Variants in NT5DC1 observed in about 807,000 individuals in gnomAD.
NT5DC1 encodes the protein 5'-nucleotidase domain containing 1, also known as 5'-nucleotidase domain-containing protein 1.
Under a neutral mutation model 59.4 loss-of-function variants are expected in NT5DC1, and 42 were observed. The ratio of observed to expected loss-of-function variants is 0.71; its 90% CI spans 0.55 to 0.92. The LOEUF (loss-of-function observed/expected upper bound fraction) is 0.92. Among genes scored for constraint, NT5DC1 ranks in the 40% least tolerant of loss-of-function variants. The pLI, the probability that NT5DC1 is intolerant of heterozygous loss-of-function variation, is 0.00. For synonymous variants in NT5DC1, 172 were observed against 188.1 expected, an observed-to-expected ratio of 0.91 and a Z score of 0.70; for missense variants, 501 against 537.1, an observed-to-expected ratio of 0.93 and a Z score of 0.66.
rs1219316455 is a variant in NT5DC1, at chr6:116,109,492, A to G, written c.257+1057A>G. ...TTAAAAGAATGAAAAGCTTTCTACA[A>G]TTTTGTTTCTTTCTCTCTTTGTTCT... On this transcript the variant is annotated intron_variant, in intron 3 of 11. Coordinates refer to ENST00000319550, the MANE Select transcript of NT5DC1 (RefSeq NM_152729.3). Among the ~76,000 whole-genome samples, 3 of 152,154 alleles carry G rather than the reference A, an allele frequency of 2.0e-5. No individual in the cohort carries two copies. In the East Asian group the frequency reaches 5.8e-4, roughly 29 times the overall value.
intron 6 of NT5DC1, among the ~76,000 whole-genome samples, chr6:116,191,820 C>T (rs773920427): frequency 9.9e-5 from 15 of 151,764 alleles, no homozygotes; most frequent in Non-Finnish European, 1.6e-4. Context: ...ATTTGTATTC[C>T]CCAAACCTTA....
chr6:116,112,884 C>T (rs1778906076), intron 4 of NT5DC1, among the ~76,000 whole-genome samples: 1 of 152,078 alleles, frequency 6.6e-6, no homozygotes, highest in African/African-American at 2.4e-5. Flanking sequence ...CTTTCTTCTA[C>T]CTTTAAGTAT....
At chr6:116,221,737 T>A (rs1781810547) in intron 7 of NT5DC1, among the ~76,000 whole-genome samples, 1 of 152,234 alleles carries the variant, frequency 6.6e-6, no homozygotes, top group Non-Finnish European at 1.5e-5. Context: ...AGCCCCGCTC[T>A]GCAGTTTACT....
intron 6 of NT5DC1, among the ~76,000 whole-genome samples, chr6:116,217,253 G>A (rs1781703712): frequency 6.6e-6 from 1 of 152,080 alleles, no homozygotes; most frequent in South Asian, 2.1e-4. Flanking sequence ...TCAGACTGTT[G>A]CAACACTTTG....
At chr6:116,171,447 G>A (rs571357596) in intron 6 of NT5DC1, among the ~76,000 whole-genome samples, 2 of 152,272 alleles carry the variant, frequency 1.3e-5, no homozygotes, top group East Asian at 3.9e-4. Context: ...CTGTGCAAGT[G>A]TTAGTGGTGG....
intron 8 of NT5DC1, among the ~76,000 whole-genome samples, chr6:116,236,358 C>G (rs1782113803): frequency 6.6e-6 from 1 of 152,178 alleles, no homozygotes; most frequent in Non-Finnish European, 1.5e-5. Context: ...GAGGCAAAGA[C>G]ATTTACCTCT....
At chr6:116,127,031 G>T (rs1053298356) in intron 6 of NT5DC1, among the ~76,000 whole-genome samples, 2 of 152,130 alleles carry the variant, frequency 1.3e-5, no homozygotes, top group African/African-American at 2.4e-5. Context: ...AAGGTGGGAA[G>T]TTGAGAGTCC....
At chr6:116,125,513 A>G (rs1779274281) in intron 6 of NT5DC1, 2 of 1,612,884 alleles carry the variant, frequency 1.2e-6, no homozygotes, top group African/African-American at 2.7e-5. Flanking sequence ...GGATTCTGAA[A>G]AACAGAAAAG....
chr6:116,145,443 A>C, intron 6 of NT5DC1: 1 of 384,900 alleles, frequency 2.6e-6, no homozygotes, highest in Non-Finnish European at 5.8e-6. Flanking sequence ...CTTAGTAAGA[A>C]GATTGGCCAC....
At position 116,243,951 on chromosome 6, in the gene NT5DC1, A is replaced by G. The variant is rs74913746; in HGVS notation, c.1295A>G (p.Asn432Ser). 8 of 1,581,368 alleles carry G rather than the reference A, an allele frequency of 5.1e-6. No homozygotes were observed. In the African/African-American group the frequency reaches 6.7e-5, roughly 13 times the overall value. ...DYKFTRFSSS[N>S]SKTAGYYPNP... is the part of the protein sequence containing the mutation. ...AAATTTACAAGATTCTCTTCAAGCA[A>G]TTCAAAAACAGCTGGCTACTATCCA... The change falls in exon 12 of 12, where the codon AAT becomes AGT. Residue 432 changes from asparagine (N) to serine (S), a missense_variant. Transcript: ENST00000319550.
chr6:116,185,206 T>C (rs1780970330), intron 6 of NT5DC1, among the ~76,000 whole-genome samples: 1 of 152,128 alleles, frequency 6.6e-6, no homozygotes, highest in South Asian at 2.1e-4. Context: ...TCCAATTTTA[T>C]CCACTATGGT....
intron 6 of NT5DC1, among the ~76,000 whole-genome samples, chr6:116,184,053 T>C (rs543909044): frequency 5.3e-5 from 8 of 152,224 alleles, no homozygotes; most frequent in Non-Finnish European, 1.2e-4. Flanking sequence ...AGATGGTTTT[T>C]ATTACCTTGA....
At chr6:116,172,167 A>G (rs762538324) in intron 6 of NT5DC1, among the ~76,000 whole-genome samples, 7 of 152,126 alleles carry the variant, frequency 4.6e-5, no homozygotes, top group Non-Finnish European at 8.8e-5. Context: ...AAGTGATACA[A>G]TCTCATGATT....
At chr6:116,147,158 G>T (rs1305341439) in intron 6 of NT5DC1, among the ~76,000 whole-genome samples, 1 of 151,682 alleles carries the variant, frequency 6.6e-6, no homozygotes, top group Middle Eastern at 3.2e-3. Context: ...TGACAAACTG[G>T]GACCAGGCAT....
At chr6:116,162,260 C>CTTTCTTTATTTCCA in intron 6 of NT5DC1, among the ~76,000 whole-genome samples, 1 of 152,206 alleles carries the variant, frequency 6.6e-6, no homozygotes, top group East Asian at 1.9e-4. Flanking sequence ...GATTTGGATG[C>CTTTCTTTATTTCCA]CTTTAATTTC....
chr6:116,212,087 A>T (rs746027011), intron 6 of NT5DC1, among the ~76,000 whole-genome samples: 11 of 152,126 alleles, frequency 7.2e-5, no homozygotes, highest in Admixed American at 1.3e-4. Flanking sequence ...TTATTTCATT[A>T]TTCTAATACT....
At position 116,189,113 on chromosome 6, in the gene NT5DC1, T is replaced by C. The variant is rs73774223; in HGVS notation, c.530-31941T>C. Among the ~76,000 whole-genome samples, 343 of 152,112 alleles carry C rather than the reference T, an allele frequency of 2.3e-3. 1 individual carries two copies. The highest frequency in any genetic ancestry group is 8.1e-3 in the African/African-American group (337 of 41,568). ...TTTTTTAATAATTATTTTAATCAAG[T>C]TGAAATGAGATGTTTAGTAGTAATA... On this transcript the variant is annotated intron_variant, in intron 6 of 11. Transcript: ENST00000319550.
intron 6 of NT5DC1, among the ~76,000 whole-genome samples, chr6:116,135,872 T>TATATATAC (rs368675402): frequency 2.2e-4 from 27 of 121,290 alleles, no homozygotes; most frequent in South Asian, 1.2e-3. Flanking sequence ...TATATATATA[T>TATATATAC]ACACACATAC....
At chr6:116,137,155 A>T (rs1183991446) in intron 6 of NT5DC1, 1 of 197,226 alleles carries the variant, frequency 5.1e-6, no homozygotes, top group Non-Finnish European at 1.2e-5. Context: ...TCTTGCGTAG[A>T]TGTGGCTGCC....
Sources: gnomAD v4.1 joint callset for allele counts (sites outside exome capture counted in the v4.1 genomes callset) on GRCh38, gnomAD v4.1.1 for gene constraint, MANE v1.5 for transcripts, NCBI Gene and HGNC (gene_info 2026-07-23, HGNC 2026-07-21) for gene names.